CCT4: variants seen among roughly 807,000 people sequenced by gnomAD.
The protein encoded by CCT4 is chaperonin containing TCP1 subunit 4, also known as T-complex protein 1 subunit delta.
CCT4 carries 17 observed loss-of-function variants against 62.5 expected under a neutral mutation model. That is an observed-to-expected ratio of 0.27 (90% CI 0.19 to 0.41). The LOEUF (loss-of-function observed/expected upper bound fraction) is 0.41. CCT4 is among the 10% of genes least tolerant of loss of function. The probability of loss-of-function intolerance (pLI) is 1.00; values close to 1 mark genes in which losing one functional copy is unlikely to be tolerated. For missense variants in CCT4, 592 were observed against 659.2 expected, an observed-to-expected ratio of 0.90 and a Z score of 1.12; for synonymous variants, 250 against 229.9, an observed-to-expected ratio of 1.09 and a Z score of -0.79.
At position 61,888,637 on chromosome 2, in the gene CCT4, A is replaced by AGGAGGC. The variant is rs964194615; in HGVS notation, c.-136_-131dup. The AGGAGGC allele has an allele frequency of 3.8e-5, 43 of 1,130,764 alleles. No homozygotes were observed. Among genetic ancestry groups the AGGAGGC allele is most frequent in the African/African-American group, 2.9e-4 (18 of 62,744 alleles). The allele number at this position is 1,130,764 out of a possible 1,614,324, so 70.0% of individuals were successfully genotyped here. A position where few individuals can be genotyped will look rare whatever the true frequency, so the allele number is the denominator to read the frequency against. On this transcript the variant is annotated 5_prime_UTR_variant, in exon 1 of 14. Transcript: ENST00000394440. ...TCCAGAAAGCGGCGCCGGCGTCGGGAGGAGGCGGAGGCGGAGAAGGGGGCC... is the reference window on the plus strand; with the variant it reads ...TCCAGAAAGCGGCGCCGGCGTCGGGAGGAGGCGGAGGCGGAGGCGGAGAAGGGGGCC...
At chr2:61,881,993 G>C (rs1430251172) in intron 3 of CCT4, among the ~76,000 whole-genome samples, 1 of 151,640 alleles carries the variant, frequency 6.6e-6, no homozygotes, top group East Asian at 1.9e-4. Flanking sequence ...GAGTGAAGTG[G>C]GGCAATCTCG....
intron 5 of CCT4, among the ~76,000 whole-genome samples, chr2:61,878,121 CAACAGTATCACTTAGTGTCCCT>C (rs1267583709): frequency 1.3e-5 from 2 of 152,128 alleles, no homozygotes. Flanking sequence ...TAAGGACATC[CAACAGTATCACTTAGTGTCCCT>C]AACACTACCT....
chr2:61,876,167 T>C lies in CCT4; in HGVS notation c.845A>G (p.Tyr282Cys), dbSNP rs1470389650. Residue 282 changes from tyrosine (Y) to cysteine (C), a missense_variant, in exon 8 of 14, where the codon TAT becomes TGT. By Grantham distance (194) the Tyr-to-Cys change is radical. Transcript: ENST00000394440. ...AATTTGCTTCACTAAATTTAAAATA[T>C]AGGCTCTCTCTTCTCGCAGCACTCG... ...MDRVLREERA[Y>C]ILNLVKQIKK... 5.6e-6 allele frequency: 9 copies of C among 1,607,400 alleles called. 1 individual carries two copies. The highest frequency in any genetic ancestry group is 5.0e-5 in the Admixed American group (3 of 59,938).
chr2:61,880,701 T>TA (rs777809740), intron 3 of CCT4, among the ~76,000 whole-genome samples: 1 of 152,092 alleles, frequency 6.6e-6, no homozygotes, highest in Non-Finnish European at 1.5e-5. Context: ...CAGATGAGAC[T>TA]AGAGTATCAA....
At chr2:61,880,914 G>T (rs369717195) in intron 3 of CCT4, among the ~76,000 whole-genome samples, 3 of 151,886 alleles carry the variant, frequency 2.0e-5, no homozygotes, top group Non-Finnish European at 4.4e-5. Context: ...TTTTAGAGAC[G>T]GGGCCCCATT....
intron 7 of CCT4, 56 bp downstream of exon 7, chr2:61,876,864 C>A: frequency 7.1e-7 from 1 of 1,414,438 alleles, no homozygotes; most frequent in Non-Finnish European, 9.6e-7. Flanking sequence ...TAAAGAAATG[C>A]CTGAGTTATT....
Position 61,878,941 on chromosome 2 carries a change from G to A in CCT4, c.450C>T (p.Asp150=). 6.2e-7 allele frequency: 1 copy of A among 1,610,288 alleles called. No individual in the cohort carries two copies. The highest frequency in any genetic ancestry group is 1.1e-5 in the South Asian group (1 of 90,830). The change falls in exon 5 of 14, where the codon GAC becomes GAT. Residue 150 remains aspartate (D), a synonymous_variant. Coordinates refer to ENST00000394440, the MANE Select transcript of CCT4 (RefSeq NM_006430.4). ...CACTCAGTTCCACAGGTCGAGACAT[G>A]TCAGTCAAGATTTCAATGCCCTTTT... The part of the protein sequence containing the change: ...ALEKGIEILT[D]MSRPVELSDR...
chr2:61,887,219 G>A (rs906862921), intron 1 of CCT4, among the ~76,000 whole-genome samples: 1 of 152,178 alleles, frequency 6.6e-6, no homozygotes, highest in Admixed American at 6.6e-5. Context: ...CAACTCATTA[G>A]GACAAGTTAG....
At chr2:61,887,033 A>C (rs1669269306) in intron 1 of CCT4, among the ~76,000 whole-genome samples, 3 of 152,318 alleles carry the variant, frequency 2.0e-5, no homozygotes, top group Admixed American at 6.5e-5. Context: ...TGCTGGGATT[A>C]CAGACGTGAG....
At chr2:61,871,298 A>G (rs538398381) in intron 12 of CCT4, among the ~76,000 whole-genome samples, 3 of 152,182 alleles carry the variant, frequency 2.0e-5, no homozygotes, top group Non-Finnish European at 2.9e-5. Flanking sequence ...TCGGCCTCCC[A>G]AACAGCTGGG....
chr2:61,882,124 G>C (rs1036039395), intron 3 of CCT4, among the ~76,000 whole-genome samples: 1 of 151,920 alleles, frequency 6.6e-6, no homozygotes, highest in Non-Finnish European at 1.5e-5. Context: ...GTAGAGATGG[G>C]GTTTCACGAT....
rs747455537 is a variant in CCT4 at position 61,885,088 on chromosome 2, A to G, written c.128-16T>C. 280 of 1,511,514 alleles carry G rather than the reference A, an allele frequency of 1.9e-4. 1 individual carries two copies. The highest frequency in any genetic ancestry group is 6.9e-4 in the Admixed American group (27 of 39,044). 93.6% of individuals were successfully genotyped at this position (1,511,514 alleles called of 1,614,324 possible). On this transcript the variant is annotated splice_polypyrimidine_tract_variant and intron_variant, in intron 1 of 13. Coordinates refer to ENST00000394440, the MANE Select transcript of CCT4 (RefSeq NM_006430.4). ...TCAGCAACCGCTGCAGATGGGGGGG[A>G]AAAAAAAGAAAACAAATTAGAACTT...
At chr2:61,887,123 G>A (rs1669272712) in intron 1 of CCT4, among the ~76,000 whole-genome samples, 1 of 152,068 alleles carries the variant, frequency 6.6e-6, no homozygotes, top group African/African-American at 2.4e-5. Context: ...ATGGTCCCTA[G>A]ACAATTATCC....
chr2:61,887,701 G>T (rs1418415944), intron 1 of CCT4, among the ~76,000 whole-genome samples: 1 of 152,206 alleles, frequency 6.6e-6, no homozygotes, highest in Non-Finnish European at 1.5e-5. Flanking sequence ...ACTAAGACAT[G>T]AAGTAACGGA....
chr2:61,882,823 T>G (rs541266739), intron 3 of CCT4, among the ~76,000 whole-genome samples: 1 of 146,546 alleles, frequency 6.8e-6, no homozygotes, highest in Non-Finnish European at 1.5e-5. Context: ...TTTTTTTTTT[T>G]CTGGGGTTTC....
At chr2:61,879,256 C>CTTTTTTT (rs35373962) in intron 4 of CCT4, among the ~76,000 whole-genome samples, 14 of 101,048 alleles carry the variant, frequency 1.4e-4, no homozygotes, top group Non-Finnish European at 1.8e-4. Context: ...AAATTTTATA[C>CTTTTTTT]TTTTTTTTTT....
chr2:61,883,487 A>G lies in CCT4; in HGVS notation c.242T>C (p.Met81Thr). The stretch of plus-strand genomic sequence containing the variant: ...TCTGGCTGCTGGATGTAATACTTGC[A>G]TTTGTTTCAGAATGGTAGCACCATC... ...TNDGATILKQ[M>T]QVLHPAARML... The change falls in exon 3 of 14, where the codon ATG (methionine) becomes ACG (threonine). Residue 81 changes from methionine (M) to threonine (T), a missense_variant. This residue lies in a region of CCT4 where 522 missense variants were observed against 571.2 expected (regional missense o/e 0.91). Coordinates refer to ENST00000394440, the MANE Select transcript of CCT4 (RefSeq NM_006430.4). The G allele has an allele frequency of 6.3e-7, 1 of 1,591,688 alleles. No homozygotes were observed. Among genetic ancestry groups the G allele is most frequent in the Non-Finnish European group, 8.6e-7 (1 of 1,166,868 alleles).
chr2:61,877,603 T>C (rs763425940), intron 5 of CCT4, 89 bp from the exon 6 acceptor site: 5 of 1,065,536 alleles, frequency 4.7e-6, no homozygotes, highest in South Asian at 1.9e-5. Context: ...GAAAGACTCT[T>C]ATAATTTTTG....
At chr2:61,888,248 T>C in intron 1 of CCT4, 133 bp downstream of exon 1, 3 of 1,102,058 alleles carry the variant, frequency 2.7e-6, no homozygotes, top group Non-Finnish European at 1.3e-6. Context: ...ATCCCTCCAC[T>C]GGGCTGCTTC....
Sources: allele counts gnomAD v4.1 joint callset (sites outside exome capture counted in the v4.1 genomes callset), GRCh38; gene constraint gnomAD v4.1.1; regional missense constraint gnomAD v4.1.1; transcripts MANE v1.5; gene names NCBI Gene and HGNC (gene_info 2026-07-23, HGNC 2026-07-21).